The following DCLK1 variants were observed in gnomAD, a reference collection of about 807,000 sequenced individuals.
DCLK1 encodes the protein doublecortin like kinase 1.
DCLK1 carries 16 observed loss-of-function variants against 86.2 expected under a neutral mutation model. The ratio of observed to expected loss-of-function variants is 0.19; its 90% confidence interval spans 0.13 to 0.28. The LOEUF (loss-of-function observed/expected upper bound fraction) is 0.28. Ranked by LOEUF, DCLK1 falls within the 10% of genes least tolerant of loss-of-function variation. DCLK1 has a pLI of 1.00. For missense variants in DCLK1, 590 were observed against 940.2 expected (o/e 0.63, Z 4.87); for synonymous variants, 369 against 370.5 (o/e 1.00, Z 0.05).
chr13:35,960,900 T>C (rs1004987370), intron 3 of DCLK1, among the ~76,000 whole-genome samples: 1 of 152,234 alleles, frequency 6.6e-6, no homozygotes, highest in Admixed American at 6.5e-5. Context: ...TCTCTTACGA[T>C]GTCATGATTG....
At chr13:35,849,948 T>A (rs1045666229) in intron 6 of DCLK1, 2 of 956,398 alleles carry the variant, frequency 2.1e-6, no homozygotes, top group Non-Finnish European at 2.5e-6. Context: ...ATACAATCTA[T>A]AGCAATGCCA....
At position 36,006,326 on chromosome 13, in the gene DCLK1, C is replaced by G. The variant is rs4941825; in HGVS notation, c.724-58869G>C. Among the ~76,000 whole-genome samples the G allele has an allele frequency of 2.7e-3, 408 of 152,268 alleles. 7 individuals carry two copies. Among genetic ancestry groups the G allele is most frequent in the Admixed American group, 0.022 (334 of 15,304 alleles). On this transcript the variant is annotated intron_variant, in intron 3 of 16. Transcript: ENST00000360631. ...GCAAACCAGCGGGCAGACAGACACACAGTTTAGAGAAATGCTGTGAGAACC... is the reference window on the plus strand; with the variant it reads ...GCAAACCAGCGGGCAGACAGACACAGAGTTTAGAGAAATGCTGTGAGAACC...
chr13:35,862,442 T>C (rs1189982062), intron 5 of DCLK1, among the ~76,000 whole-genome samples: 1 of 152,216 alleles, frequency 6.6e-6, no homozygotes, highest in African/African-American at 2.4e-5. Flanking sequence ...CATTCCAGGA[T>C]GACTACAATG....
chr13:35,877,699 A>G (rs1220817271), intron 4 of DCLK1, among the ~76,000 whole-genome samples: 1 of 152,196 alleles, frequency 6.6e-6, no homozygotes, highest in East Asian at 1.9e-4. Flanking sequence ...GTTCATCTAG[A>G]AGAAACCATC....
In DCLK1 at chr13:35,793,406, G is replaced by A. The variant is rs2086743772; in HGVS notation, c.2018C>T (p.Pro673Leu). Residue 673 changes from proline (P) to leucine (L), a missense_variant, in exon 16 of 17, where the codon CCC (proline) becomes CTC (leucine). Pro to Leu is a moderately conservative substitution (Grantham distance 98). This residue lies in a region of DCLK1 where 146 missense variants were observed against 190.2 expected (regional missense o/e 0.77). Coordinates refer to ENST00000360631, the MANE Select transcript of DCLK1 (RefSeq NM_001330071.2). Reference protein sequence around the residue: ...GKIKKHFNTGPKPNSTAAGVS... With the variant: ...GKIKKHFNTGLKPNSTAAGVS... ...TCCAGCTGCTGTGCTATTCGGCTTGGGGCCTGTGTTGAAATGCTTCTTTAT... is the reference window on the plus strand; with the variant it reads ...TCCAGCTGCTGTGCTATTCGGCTTGAGGCCTGTGTTGAAATGCTTCTTTAT... 6.2e-7 allele frequency: 1 copy of A among 1,609,000 alleles called. No individual in the cohort carries two copies. Among genetic ancestry groups the A allele is most frequent in the Admixed American group, 1.7e-5 (1 of 59,510 alleles).
chr13:35,937,500 T>C (rs915849947), intron 4 of DCLK1, among the ~76,000 whole-genome samples: 2 of 152,130 alleles, frequency 1.3e-5, no homozygotes, highest in Non-Finnish European at 2.9e-5. Context: ...ACTCACCACA[T>C]GCTACATTGG....
chr13:35,857,084 A>T (rs1356596428), intron 5 of DCLK1, among the ~76,000 whole-genome samples: 2 of 152,180 alleles, frequency 1.3e-5, no homozygotes, highest in Admixed American at 6.5e-5. Flanking sequence ...GTGAGGCAGG[A>T]TAGTTAGTCA....
intron 3 of DCLK1, among the ~76,000 whole-genome samples, chr13:36,109,476 A>T (rs9805643): frequency 0.013 from 1,967 of 152,300 alleles, 47 homozygotes; most frequent in African/African-American, 0.044. Context: ...CATGTTTTTA[A>T]CGAGTTCTGT....
chr13:36,118,022 T>C (rs1475666181), intron 2 of DCLK1, among the ~76,000 whole-genome samples: 1 of 151,942 alleles, frequency 6.6e-6, no homozygotes, highest in Non-Finnish European at 1.5e-5. Context: ...AAAAATAAAA[T>C]AATAATATGC....
intron 4 of DCLK1, among the ~76,000 whole-genome samples, chr13:35,875,115 AC>A (rs951758919): frequency 6.6e-6 from 1 of 152,132 alleles, no homozygotes; most frequent in African/African-American, 2.4e-5. Context: ...TATTTCATGG[AC>A]CTCATGTTTG....
At chr13:35,967,226 G>A (rs927809602) in intron 3 of DCLK1, among the ~76,000 whole-genome samples, 5 of 150,594 alleles carry the variant, frequency 3.3e-5, no homozygotes, top group Admixed American at 6.6e-5. Flanking sequence ...CCCTCTGCCC[G>A]GCCGCCGCCC....
Position 35,872,655 on chromosome 13 carries a change from C to T in DCLK1, c.824-1315G>A, listed in dbSNP as rs552425226. ...ACTGTGGGTGCTCAAAAATATTTACCGACCCTTTTCTTTTTAAAAAATTAT... is the reference window on the plus strand; with the variant it reads ...ACTGTGGGTGCTCAAAAATATTTACTGACCCTTTTCTTTTTAAAAAATTAT... On this transcript the variant is annotated intron_variant, in intron 4 of 16. Coordinates refer to ENST00000360631, the MANE Select transcript of DCLK1 (RefSeq NM_001330071.2). 9.9e-5 allele frequency among the ~76,000 whole-genome samples: 15 copies of T among 152,106 alleles called. No individual in the cohort carries two copies. In the East Asian group the frequency reaches 1.5e-3, roughly 16 times the overall value.
intron 3 of DCLK1, among the ~76,000 whole-genome samples, chr13:36,008,572 C>T (rs1483472137): frequency 8.6e-5 from 11 of 128,522 alleles, no homozygotes; most frequent in South Asian, 7.1e-4. Context: ...TTTATGGCTG[C>T]GTAGTATTCC....
chr13:35,848,106 C>T, intron 6 of DCLK1: 1 of 985,300 alleles, frequency 1.0e-6, no homozygotes, highest in Non-Finnish European at 1.2e-6. Flanking sequence ...CTTTGAACTA[C>T]AGCACGATGT....
intron 11 of DCLK1, among the ~76,000 whole-genome samples, chr13:35,813,691 A>G (rs1017152418): frequency 7.3e-5 from 11 of 151,098 alleles, no homozygotes; most frequent in Non-Finnish European, 1.3e-4. Context: ...TATTCCCTGT[A>G]CAATGGTCTT....
chr13:36,061,784 C>T (rs1215914985), intron 3 of DCLK1, among the ~76,000 whole-genome samples: 3 of 152,148 alleles, frequency 2.0e-5, no homozygotes, highest in African/African-American at 7.2e-5. Context: ...TCCAAAACAA[C>T]CAAACATTTA....
chr13:35,939,769 C>A (rs904617937), intron 4 of DCLK1, among the ~76,000 whole-genome samples: 5 of 152,158 alleles, frequency 3.3e-5, no homozygotes, highest in African/African-American at 1.2e-4. Flanking sequence ...AATATGCCAG[C>A]ACCAACACAT....
chr13:35,800,255 G>A (rs1464616884), intron 15 of DCLK1, among the ~76,000 whole-genome samples: 1 of 152,230 alleles, frequency 6.6e-6, no homozygotes, highest in Admixed American at 6.5e-5. Context: ...ACTTAAGATT[G>A]CCCTCTCAGA....
chr13:35,850,967 G>T (rs1249919423), intron 6 of DCLK1, among the ~76,000 whole-genome samples: 3 of 152,092 alleles, frequency 2.0e-5, no homozygotes, highest in Non-Finnish European at 4.4e-5. Context: ...TGCTGGTTTC[G>T]CCTTATTGGC....
Sources: allele counts gnomAD v4.1 joint callset (sites outside exome capture counted in the v4.1 genomes callset), GRCh38; gene constraint gnomAD v4.1.1; regional missense constraint gnomAD v4.1.1; transcripts MANE v1.5; gene names NCBI Gene and HGNC (gene_info 2026-07-23, HGNC 2026-07-21).